Variants in TAF11 observed in about 807,000 individuals in gnomAD.
TAF11 encodes TATA-box binding protein associated factor 11.
Under a neutral mutation model 23.0 loss-of-function variants are expected in TAF11, and 10 were observed. The observed-to-expected ratio is 0.43, with a 90% CI of 0.27 to 0.74. The LOEUF (loss-of-function observed/expected upper bound fraction) is 0.74, where lower values mean the gene tolerates loss of function less well. Ranked by LOEUF, TAF11 falls within the 30% of genes least tolerant of loss-of-function variation. TAF11 has a pLI of 0.19. For missense variants in TAF11, 196 were observed against 261.7 expected (o/e 0.75, Z 1.73); for synonymous variants, 85 against 95.8 (o/e 0.89, Z 0.66).
intron 1 of TAF11, 63 bp from the exon 2 acceptor site, chr6:34,883,143 G>A: frequency 6.6e-7 from 1 of 1,522,000 alleles, no homozygotes; most frequent in South Asian, 1.2e-5. Flanking sequence ...GGCAAAGTAA[G>A]AAGACATCAT....
At chr6:34,879,887 A>C in intron 4 of TAF11, 80 bp downstream of exon 4, 1 of 1,525,110 alleles carries the variant, frequency 6.6e-7, no homozygotes. Flanking sequence ...TAGGTGCTTT[A>C]ATAAGCTCCT....
rs1482681370 is a variant in TAF11, at chr6:34,878,587, G to A, written c.*3C>T. 3.4e-6 allele frequency: 5 copies of A among 1,460,498 alleles called. No homozygotes were observed. In the East Asian group the frequency reaches 1.1e-4, roughly 33 times the overall value. 90.5% of individuals were successfully genotyped at this position (1,460,498 alleles called of 1,614,324 possible). ...AGTAACATAGGCCTTTCTAGACTTT[G>A]GTCTAGAAGAAGATGATTTTTTTGT... On this transcript the variant is annotated 3_prime_UTR_variant, in exon 5 of 5. Transcript: ENST00000361288.
chr6:34,879,922 G>C (rs2127431687), intron 4 of TAF11, 45 bp downstream of exon 4: 2 of 1,591,128 alleles, frequency 1.3e-6, no homozygotes, highest in East Asian at 4.5e-5. Flanking sequence ...TTAAAAATAA[G>C]ACCACCACAG....
intron 1 of TAF11, 50 bp from the exon 2 acceptor site, chr6:34,883,130 T>C: frequency 6.4e-7 from 1 of 1,566,712 alleles, no homozygotes; most frequent in Non-Finnish European, 8.6e-7. Context: ...CTTTCCAGGC[T>C]TGGGCAAAGT....
At position 34,888,020 on chromosome 6, in the gene TAF11, C is replaced by G. The variant is rs1356443972; in HGVS notation, c.-63G>C. On this transcript the variant is annotated 5_prime_UTR_variant, in exon 1 of 5. Transcript: ENST00000361288. ...TGCCTGAGGCAGAAGCTCGGAAACC[C>G]GAGCTGCACAGGCCAGGATCTTACT... The G allele has an allele frequency of 6.2e-7, 1 of 1,603,466 alleles. No homozygotes were observed. The highest frequency in any genetic ancestry group is 1.3e-5 in the African/African-American group (1 of 74,738).
intron 4 of TAF11, chr6:34,879,268 A>C: frequency 2.1e-6 from 1 of 466,670 alleles, no homozygotes; most frequent in South Asian, 9.2e-5. Context: ...CTACAGTCCC[A>C]GCTACTTGGG....
At position 34,878,537 on chromosome 6, in the gene TAF11, G is replaced by T; in HGVS notation, c.*53C>A. The T allele has an allele frequency of 1.0e-6, 1 of 974,246 alleles. No homozygotes were observed. The highest frequency in any genetic ancestry group is 2.4e-5 in the East Asian group (1 of 42,004). 60.4% of individuals were successfully genotyped at this position (974,246 alleles called of 1,614,324 possible). ...ACCAATGCAGACAGTCTTATAGGAA[G>T]TCTGGAACCAATACTTCTTCCGTCA... On this transcript the variant is annotated 3_prime_UTR_variant, in exon 5 of 5. Transcript: ENST00000361288.
Position 34,883,034 on chromosome 6 carries a change from T to C in TAF11, c.218A>G (p.Asp73Gly), listed in dbSNP as rs571073624. ...VSDLTTVERE[D>G]SSLLNPAAKK... is the part of the protein sequence containing the mutation. ...GGCTGCAGGATTAAGTAATGATGAG[T>C]CTTCCCTTTCAACTGTTGTTAAATC... Residue 73 changes from aspartate to glycine, a missense_variant, in exon 2 of 5, where the codon GAC becomes GGC. By Grantham distance (94) the Asp-to-Gly change is moderately conservative. Coordinates refer to ENST00000361288, the MANE Select transcript of TAF11 (RefSeq NM_005643.4). 1 of 1,611,670 alleles carries C rather than the reference T, an allele frequency of 6.2e-7. No homozygotes were observed. The highest frequency in any genetic ancestry group is 2.2e-5 in the East Asian group (1 of 44,788).
intron 1 of TAF11, 49 bp downstream of exon 1, chr6:34,887,738 A>G (rs942187012): frequency 1.2e-6 from 2 of 1,611,196 alleles, no homozygotes; most frequent in East Asian, 2.2e-5. Flanking sequence ...GCAGCCAGTA[A>G]CACAATCTCT....
chr6:34,881,026 G>C (rs4646934), intron 2 of TAF11, among the ~76,000 whole-genome samples: 2,218 of 152,228 alleles, frequency 0.015, 43 homozygotes, highest in African/African-American at 0.051. Context: ...GAGTGAACTG[G>C]AACACCTTTT....
At position 34,887,635 on chromosome 6, in the gene TAF11, C is replaced by T. The variant is rs578176827; in HGVS notation, c.171+152G>A. The T allele has an allele frequency of 2.5e-5, 24 of 941,550 alleles. No individual in the cohort carries two copies. In the South Asian group the frequency reaches 3.5e-4, roughly 14 times the overall value. The allele number at this position is 941,550 out of a possible 1,614,324, so 58.3% of individuals were successfully genotyped here. On this transcript the variant is annotated intron_variant, in intron 1 of 4. Transcript: ENST00000361288. ...AGCACTGGAGTTTTGTTTGGTCGTC[C>T]CCTCTCTTCCCCCTCAAGATTAACG... is the stretch of plus-strand genomic sequence containing the variant.
rs1202056869 is a variant in TAF11 at position 34,878,648 on chromosome 6, C to T, written c.578G>A (p.Arg193Lys). The T allele has an allele frequency of 1.2e-6, 2 of 1,613,890 alleles. No homozygotes were observed. Among genetic ancestry groups the T allele is most frequent in the African/African-American group, 2.7e-5 (2 of 74,886 alleles). ...QPKHMREAVR[R>K]LKSKGQIPNS... ...AGGGATCTGTCCTTTTGACTTTAAC[C>T]TTCTAACGGCTTCCCTCATATGTTT... The change falls in exon 5 of 5, where the codon AGG becomes AAG. Residue 193 changes from arginine (R) to lysine (K), a missense_variant. Arg to Lys is a conservative substitution (Grantham distance 26, BLOSUM62 2). Coordinates refer to ENST00000361288, the MANE Select transcript of TAF11 (RefSeq NM_005643.4).
chr6:34,881,855 C>A lies in TAF11; in HGVS notation c.320+1077G>T, dbSNP rs538674449. Among the ~76,000 whole-genome samples, 5 of 151,726 alleles carry A rather than the reference C, an allele frequency of 3.3e-5. No individual in the cohort carries two copies. The South Asian group carries it at 1.0e-3, about 32-fold the overall frequency. ...GGGACTACAGGCACCCACCACGACA[C>A]CTGGCTAATTTTTTGTAATTTTAGT... is the stretch of plus-strand genomic sequence containing the variant. On this transcript the variant is annotated intron_variant, in intron 2 of 4. Transcript: ENST00000361288.
rs191251605 is a variant in TAF11 at position 34,887,226 on chromosome 6, C to T, written c.171+561G>A. On this transcript the variant is annotated intron_variant, in intron 1 of 4. Transcript: ENST00000361288. ...CTGAAGCAGGAGAATCGCGTGAACCCAGGAGGCGCAGGTTGCAGTGGGCCA... is the reference window on the plus strand; with the variant it reads ...CTGAAGCAGGAGAATCGCGTGAACCTAGGAGGCGCAGGTTGCAGTGGGCCA... 1.9e-3 allele frequency among the ~76,000 whole-genome samples: 285 copies of T among 152,184 alleles called. 1 individual carries two copies. The highest frequency in any genetic ancestry group is 6.5e-3 in the African/African-American group (268 of 41,538).
rs1766331102 is a variant in TAF11 at position 34,877,676 on chromosome 6, C to T, written c.*914G>A. 2 of 152,210 alleles carry T rather than the reference C, an allele frequency of 1.3e-5. No homozygotes were observed. The highest frequency in any genetic ancestry group is 2.1e-4 in the South Asian group (1 of 4,792). The allele number at this position is 152,210 out of a possible 1,614,324, so 9.4% of individuals were successfully genotyped here. Reference sequence around the variant, plus strand: ...TAATGGTTCTACTAGAAAAAGTGCTCAAATTTTCACAAAATAGCCAAAACC... The same window carrying T: ...TAATGGTTCTACTAGAAAAAGTGCTTAAATTTTCACAAAATAGCCAAAACC... On this transcript the variant is annotated 3_prime_UTR_variant, in exon 5 of 5. Transcript: ENST00000361288.
At position 34,885,767 on chromosome 6, in the gene TAF11, G is replaced by A. The variant is rs192264941; in HGVS notation, c.171+2020C>T. Among the ~76,000 whole-genome samples, 9 of 151,776 alleles carry A rather than the reference G, an allele frequency of 5.9e-5. 2 individuals carry two copies. The highest frequency in any genetic ancestry group is 2.0e-4 in the East Asian group (1 of 5,112). Reference sequence around the variant, plus strand: ...GGCAGGAGGATTGCTTGAGCCCAACGAGTTGGAGACCAGACTGGGCAACAT... The same window carrying A: ...GGCAGGAGGATTGCTTGAGCCCAACAAGTTGGAGACCAGACTGGGCAACAT... On this transcript the variant is annotated intron_variant, in intron 1 of 4. Coordinates refer to ENST00000361288, the MANE Select transcript of TAF11 (RefSeq NM_005643.4).
rs879182986 is a variant in TAF11, at chr6:34,880,165, A to AT, written c.409-103dup. The AT allele has an allele frequency of 1.2e-4, 177 of 1,518,800 alleles. No homozygotes were observed. Among genetic ancestry groups the AT allele is most frequent in the South Asian group, 1.1e-3 (95 of 87,464 alleles). 94.1% of individuals were successfully genotyped at this position (1,518,800 alleles called of 1,614,324 possible). A position where few individuals can be genotyped will look rare whatever the true frequency, so the allele number is the denominator to read the frequency against. ...GAAAAAGGTAAGATAACTGAAGTGC[A>AT]TTTTTTTTCCCACCTAAATAATCCC... On this transcript the variant is annotated intron_variant, in intron 3 of 4. Coordinates refer to ENST00000361288, the MANE Select transcript of TAF11 (RefSeq NM_005643.4). The surrounding 1 kb of genome is among the most constrained non-coding windows in gnomAD (Gnocchi z 4.8).
Position 34,878,234 on chromosome 6 carries a change from C to T in TAF11, c.*356G>A, listed in dbSNP as rs1018610159. The T allele has an allele frequency of 7.0e-5, 15 of 212,976 alleles. No homozygotes were observed. The highest frequency in any genetic ancestry group is 5.3e-4 in the East Asian group (5 of 9,506). The allele number at this position is 212,976 out of a possible 1,614,324, so 13.2% of individuals were successfully genotyped here. ...TCCAGCCTAGGTGATAGAGCAAGAC[C>T]CTATCTCAAACAAAACGAAACCAAA... On this transcript the variant is annotated 3_prime_UTR_variant, in exon 5 of 5. Coordinates refer to ENST00000361288, the MANE Select transcript of TAF11 (RefSeq NM_005643.4).
rs865871029 is a variant in TAF11, at chr6:34,878,485, A to C, written c.*105T>G. ...AGAAAGACATTAAAATCATCATGGAATCCTTGGAGGCCTGAGATACTAAAG... is the reference window on the plus strand; with the variant it reads ...AGAAAGACATTAAAATCATCATGGACTCCTTGGAGGCCTGAGATACTAAAG... On this transcript the variant is annotated 3_prime_UTR_variant, in exon 5 of 5. Transcript: ENST00000361288. 2 of 711,006 alleles carry C rather than the reference A, an allele frequency of 2.8e-6. No individual in the cohort carries two copies. Among genetic ancestry groups the C allele is most frequent in the Middle Eastern group, 6.4e-4 (2 of 3,106 alleles). 44.0% of individuals were successfully genotyped at this position (711,006 alleles called of 1,614,324 possible).
Sources: gnomAD v4.1 joint callset for allele counts (sites outside exome capture counted in the v4.1 genomes callset) on GRCh38, gnomAD v4.1.1 for gene constraint, Gnocchi (gnomAD v3.1) non-coding constraint, MANE v1.5 for transcripts, NCBI Gene and HGNC (gene_info 2026-07-23, HGNC 2026-07-21) for gene names.